The following PFKFB3 variants were observed in gnomAD, a reference collection of about 807,000 sequenced individuals.
The protein encoded by PFKFB3 is 6-phosphofructo-2-kinase/fructose-2,6-bisphosphatase 3.
PFKFB3 carries 33 observed loss-of-function variants against 68.0 expected under a neutral mutation model. That is an observed-to-expected ratio of 0.49 (90% CI 0.37 to 0.65). The LOEUF (loss-of-function observed/expected upper bound fraction) is 0.65, where lower values mean the gene tolerates loss of function less well. Among genes scored for constraint, PFKFB3 ranks in the 30% least tolerant of loss-of-function variants. PFKFB3 has a pLI of 0.00. For missense variants in PFKFB3, 586 were observed against 712.2 expected, an observed-to-expected ratio of 0.82 and a Z score of 2.02; for synonymous variants, 315 against 288.2, an observed-to-expected ratio of 1.09 and a Z score of -0.94.
chr10:6,266,106 A>AC, the PFKFB3 span, among the ~76,000 whole-genome samples: 1 of 151,970 alleles, frequency 6.6e-6, no homozygotes, highest in Non-Finnish European at 1.5e-5. Flanking sequence ...ACAAGGCCTT[A>AC]CTATGTTGCC....
Position 6,205,138 on chromosome 10 carries a change from C to T in PFKFB3, c.76+1802C>T, listed in dbSNP as rs76525357. Among the ~76,000 whole-genome samples the T allele has an allele frequency of 8.0e-3, 1,219 of 152,294 alleles. 19 individuals are homozygous for T. The highest frequency in any genetic ancestry group is 0.027 in the African/African-American group (1,135 of 41,558). On this transcript the variant is annotated intron_variant, in intron 1 of 14. Transcript: ENST00000379775. ...AGCCAATGGATTAATTCTTTTGTCC[C>T]GCCTACTGCTGGTATCCTCCTGTGT...
At chr10:6,213,501 A>G in intron 1 of PFKFB3, 122 bp from the exon 2 acceptor site, 1 of 1,147,972 alleles carries the variant, frequency 8.7e-7, no homozygotes, top group Non-Finnish European at 1.2e-6. Flanking sequence ...TGGGCAACAG[A>G]GTGAGACCCT....
chr10:6,204,406 G>T (rs181915722), intron 1 of PFKFB3, among the ~76,000 whole-genome samples: 1 of 152,258 alleles, frequency 6.6e-6, no homozygotes, highest in Non-Finnish European at 1.5e-5. Context: ...TGGCAGGCAG[G>T]GTTGCCCGGC....
chr10:6,171,183 G>C (rs532219447), intron 1 of PFKFB3, among the ~76,000 whole-genome samples: 1 of 152,028 alleles, frequency 6.6e-6, no homozygotes, highest in Non-Finnish European at 1.5e-5. Flanking sequence ...GAGTAGCTGG[G>C]ATTACAGGCA....
chr10:6,188,735 G>A (rs1247152911), intron 1 of PFKFB3, among the ~76,000 whole-genome samples: 1 of 151,650 alleles, frequency 6.6e-6, no homozygotes, highest in Non-Finnish European at 1.5e-5. Context: ...GGAATCATAC[G>A]GTGTTTTTCT....
chr10:6,305,873 A>C, the PFKFB3 span, among the ~76,000 whole-genome samples: 1 of 152,232 alleles, frequency 6.6e-6, no homozygotes, highest in South Asian at 2.1e-4. Flanking sequence ...GGTAATGTGA[A>C]TTCAGACTGG....
the PFKFB3 span, among the ~76,000 whole-genome samples, chr10:6,289,277 C>T: frequency 8.6e-5 from 13 of 150,676 alleles, no homozygotes; most frequent in Non-Finnish European, 1.3e-4. Flanking sequence ...GAAGTCCTTG[C>T]CCATGCCTAT....
chr10:6,247,379 A>G (rs1179988928), intron 14 of PFKFB3, among the ~76,000 whole-genome samples: 1 of 152,056 alleles, frequency 6.6e-6, no homozygotes, highest in East Asian at 1.9e-4. Flanking sequence ...TGGGGAAGAA[A>G]AATGAGGACT....
Position 6,231,453 on chromosome 10 carries a change from T to A in PFKFB3, c.1516-1442T>A, listed in dbSNP as rs143587149. 1.0e-5 allele frequency: 15 copies of A among 1,481,810 alleles called. No homozygotes were observed. In the East Asian group the frequency reaches 3.2e-4, roughly 31 times the overall value. The allele number at this position is 1,481,810 out of a possible 1,614,324, so 91.8% of individuals were successfully genotyped here. ...TAAGTGCAACACCATTGTCGTGAGG[T>A]CCTTTCTAGTCTGTCTCTCACCCCC... On this transcript the variant is annotated intron_variant, in intron 14 of 14. Coordinates refer to ENST00000379775, the MANE Select transcript of PFKFB3 (RefSeq NM_004566.4).
rs1845969231 is a variant in PFKFB3 at position 6,235,265 on chromosome 10, T to A, written c.*2323T>A. Reference sequence around the variant, plus strand: ...TTTCTTTGTAATACTTGAAATTTATTTTTTTATTATTTTGATAGCAGATGT... The same window carrying A: ...TTTCTTTGTAATACTTGAAATTTATATTTTTATTATTTTGATAGCAGATGT... On this transcript the variant is annotated 3_prime_UTR_variant, in exon 15 of 15. Coordinates refer to ENST00000379775, the MANE Select transcript of PFKFB3 (RefSeq NM_004566.4). 1 of 152,694 alleles carries A rather than the reference T, an allele frequency of 6.5e-6. No individual in the cohort carries two copies. The highest frequency in any genetic ancestry group is 1.5e-5 in the Non-Finnish European group (1 of 68,028). The allele number at this position is 152,694 out of a possible 1,614,324, so 9.5% of individuals were successfully genotyped here.
At chr10:6,326,560 G>C in the PFKFB3 span, 1 of 456,062 alleles carries the variant, frequency 2.2e-6, no homozygotes. Context: ...GGAGTTACCA[G>C]TAAGGAGCTC....
chr10:6,236,411 G>A (rs775514343), downstream of PFKFB3, among the ~76,000 whole-genome samples: 9 of 152,330 alleles, frequency 5.9e-5, no homozygotes, highest in East Asian at 1.9e-4. Context: ...CGTGACCAGC[G>A]TCTTGCTTGG....
the PFKFB3 span, among the ~76,000 whole-genome samples, chr10:6,308,758 A>C: frequency 0.036 from 5,417 of 152,280 alleles, 143 homozygotes; most frequent in Middle Eastern, 0.15. Flanking sequence ...TTAAATCATC[A>C]CCATGCATCA....
chr10:6,283,345 A>G, the PFKFB3 span, among the ~76,000 whole-genome samples: 1 of 152,216 alleles, frequency 6.6e-6, no homozygotes, highest in East Asian at 1.9e-4. Context: ...TGGGTAGAAC[A>G]TGACTCAAAG....
At position 6,151,838 on chromosome 10, in the gene PFKFB3, G is replaced by C. The variant is rs141267518; in HGVS notation, c.16+6825G>C. On this transcript the variant is annotated intron_variant, in intron 1 of 14. Coordinates refer to the PFKFB3 transcript ENST00000379789. ...GGACTTCAGGGAAAGCTGGTCCTCAGTGCCACAGTGCTGTGGCTGTCGGGC... is the reference window on the plus strand; with the variant it reads ...GGACTTCAGGGAAAGCTGGTCCTCACTGCCACAGTGCTGTGGCTGTCGGGC... Among the ~76,000 whole-genome samples the C allele has an allele frequency of 1.1e-3, 171 of 152,254 alleles. 1 individual carries two copies. Among genetic ancestry groups the C allele is most frequent in the African/African-American group, 3.9e-3 (162 of 41,560 alleles).
intron 1 of PFKFB3, among the ~76,000 whole-genome samples, chr10:6,169,800 G>C (rs528236393): frequency 6.6e-6 from 1 of 152,166 alleles, no homozygotes; most frequent in Non-Finnish European, 1.5e-5. Context: ...TCTGAGCACC[G>C]AGGAAGGACT....
At chr10:6,184,594 CT>C (rs1842818752) in intron 1 of PFKFB3, among the ~76,000 whole-genome samples, 1 of 151,974 alleles carries the variant, frequency 6.6e-6, no homozygotes. Flanking sequence ...CCTCAGCCTC[CT>C]GAGGAACTGG....
the PFKFB3 span, among the ~76,000 whole-genome samples, chr10:6,298,492 C>T: frequency 6.6e-6 from 1 of 151,974 alleles, no homozygotes; most frequent in Non-Finnish European, 1.5e-5. Flanking sequence ...CTCATCTCAG[C>T]CTCCCTAGTA....
At position 6,220,875 on chromosome 10, in the gene PFKFB3, G is replaced by A; in HGVS notation, c.831+10G>A. The A allele has an allele frequency of 6.2e-7, 1 of 1,608,726 alleles. No individual in the cohort carries two copies. ...CAGCCGGGGCAAGAAGGTGCGGGGT[G>A]TGCTGCCGCATGGGCCGTTCTGGCT... is the stretch of plus-strand genomic sequence containing the variant. On this transcript the variant is annotated intron_variant, in intron 8 of 14. Coordinates refer to ENST00000379775, the MANE Select transcript of PFKFB3 (RefSeq NM_004566.4). The surrounding 1 kb of genome is among the most constrained non-coding windows in gnomAD (Gnocchi z 4.1).
Sources: allele counts gnomAD v4.1 joint callset (sites outside exome capture counted in the v4.1 genomes callset), GRCh38; gene constraint gnomAD v4.1.1; non-coding constraint Gnocchi (gnomAD v3.1); transcripts MANE v1.5; gene names NCBI Gene and HGNC (gene_info 2026-07-23, HGNC 2026-07-21).